GOLGA1: variants seen among roughly 807,000 people sequenced by gnomAD.
The protein encoded by GOLGA1 is golgin A1.
In GOLGA1, 63 loss-of-function variants were observed where a neutral mutation model predicts 119.7. That is an observed-to-expected ratio of 0.53 (90% CI 0.43 to 0.65). The LOEUF is 0.65. GOLGA1 is among the 30% of genes least tolerant of loss of function. The probability of loss-of-function intolerance (pLI) is 0.00; values close to 1 mark genes in which losing one functional copy is unlikely to be tolerated. For missense variants in GOLGA1, 798 were observed against 912.8 expected, an observed-to-expected ratio of 0.87 and a Z score of 1.62; for synonymous variants, 318 against 333.4, an observed-to-expected ratio of 0.95 and a Z score of 0.50.
At chr9:124,928,133 A>C in intron 6 of GOLGA1, 55 bp downstream of exon 6, 1 of 730,496 alleles carries the variant, frequency 1.4e-6, no homozygotes. Flanking sequence ...TTTTGAAATC[A>C]CGTCACTAAG....
At chr9:124,909,469 G>A (rs1164872175) in intron 11 of GOLGA1, among the ~76,000 whole-genome samples, 1 of 151,984 alleles carries the variant, frequency 6.6e-6, no homozygotes, top group Non-Finnish European at 1.5e-5. Flanking sequence ...TTAGCTGGAT[G>A]TGGTGGTGTG....
At chr9:124,882,368 A>C in intron 20 of GOLGA1, 142 bp downstream of exon 20, 1 of 655,828 alleles carries the variant, frequency 1.5e-6, no homozygotes, top group South Asian at 1.8e-5. Flanking sequence ...CCACCAGCTA[A>C]CGTTGGATTG....
At chr9:124,918,820 C>T (rs529317776) in intron 10 of GOLGA1, among the ~76,000 whole-genome samples, 1 of 152,226 alleles carries the variant, frequency 6.6e-6, no homozygotes, top group East Asian at 1.9e-4. Context: ...TTCCATGACC[C>T]CAAATGTACT....
rs12001772 is a variant in GOLGA1 at position 124,917,581 on chromosome 9, C to T, written c.843+3548G>A. On this transcript the variant is annotated intron_variant, in intron 10 of 22. Transcript: ENST00000373555. ...ACTTGTCAAAGCCTCCATCATCTTA[C>T]GGTCGAACAACTGCAAAAGCTTCCT... Among the ~76,000 whole-genome samples, 1,122 of 152,266 alleles carry T rather than the reference C, an allele frequency of 7.4e-3. 15 individuals are homozygous for T. Among genetic ancestry groups the T allele is most frequent in the Middle Eastern group, 0.034 (10 of 294 alleles).
intron 12 of GOLGA1, among the ~76,000 whole-genome samples, chr9:124,903,845 T>C (rs1830160806): frequency 6.6e-6 from 1 of 151,912 alleles, no homozygotes; most frequent in Non-Finnish European, 1.5e-5. Context: ...GGTCAGGAGA[T>C]TGAGACCATC....
Position 124,881,298 on chromosome 9 carries a change from G to A in GOLGA1, c.2137-41C>T, listed in dbSNP as rs1793191338. 2 of 1,132,928 alleles carry A rather than the reference G, an allele frequency of 1.8e-6. No homozygotes were observed. The highest frequency in any genetic ancestry group is 2.7e-6 in the Non-Finnish European group (2 of 739,798). 70.2% of individuals were successfully genotyped at this position (1,132,928 alleles called of 1,614,324 possible). A position where few individuals can be genotyped will look rare whatever the true frequency, so the allele number is the denominator to read the frequency against. ...TTTTGCTGCCATAGGCCTTGGTGAA[G>A]GTGAGGCGGGGTGGGGTCGGGGGAG... is the stretch of plus-strand genomic sequence containing the variant. On this transcript the variant is annotated intron_variant, in intron 21 of 22. Coordinates refer to ENST00000373555, the MANE Select transcript of GOLGA1 (RefSeq NM_002077.4). This position sits in a 1 kb window ranked among gnomAD's most constrained non-coding sequence, Gnocchi z 4.9.
chr9:124,926,427 G>A (rs1830674729), intron 7 of GOLGA1, among the ~76,000 whole-genome samples: 1 of 152,266 alleles, frequency 6.6e-6, no homozygotes, highest in Middle Eastern at 3.4e-3. Context: ...ATGCCAGAGG[G>A]CATTCTGAGC....
intron 10 of GOLGA1, among the ~76,000 whole-genome samples, chr9:124,918,618 GC>G: frequency 6.6e-6 from 1 of 152,016 alleles, no homozygotes. Flanking sequence ...ACAAAAATTA[GC>G]CCGGTTGGTG....
chr9:124,930,781 G>A (rs541141289), intron 4 of GOLGA1, among the ~76,000 whole-genome samples: 1 of 152,272 alleles, frequency 6.6e-6, no homozygotes, highest in East Asian at 1.9e-4. Context: ...GATATAATGG[G>A]AGCTGTGTAA....
intron 12 of GOLGA1, among the ~76,000 whole-genome samples, chr9:124,902,547 C>T (rs937452086): frequency 4.0e-5 from 6 of 151,618 alleles, no homozygotes; most frequent in African/African-American, 7.3e-5. Flanking sequence ...AGTGCAGTGG[C>T]GCGATCTCGG....
chr9:124,906,317 G>A (rs543061243), intron 12 of GOLGA1, among the ~76,000 whole-genome samples: 4 of 151,866 alleles, frequency 2.6e-5, no homozygotes, highest in South Asian at 4.2e-4. Context: ...TGTAATCCCA[G>A]CTACTTGGGA....
At chr9:124,924,728 A>C (rs1830640634) in intron 7 of GOLGA1, among the ~76,000 whole-genome samples, 1 of 151,870 alleles carries the variant, frequency 6.6e-6, no homozygotes, top group Non-Finnish European at 1.5e-5. Flanking sequence ...AAAAAAAAAA[A>C]AAAACTTTAA....
chr9:124,925,647 A>G (rs953665826), intron 7 of GOLGA1, among the ~76,000 whole-genome samples: 1 of 152,076 alleles, frequency 6.6e-6, no homozygotes, highest in African/African-American at 2.4e-5. Context: ...TGAGCCCAGG[A>G]GGTTGAGGCT....
At chr9:124,924,845 C>T (rs957729830) in intron 7 of GOLGA1, among the ~76,000 whole-genome samples, 1 of 150,910 alleles carries the variant, frequency 6.6e-6, no homozygotes, top group Non-Finnish European at 1.5e-5. Context: ...TTTGGGAGGC[C>T]GAGGCAGACA....
chr9:124,893,637 C>A (rs978517736), intron 15 of GOLGA1, among the ~76,000 whole-genome samples: 1 of 152,138 alleles, frequency 6.6e-6, no homozygotes, highest in Non-Finnish European at 1.5e-5. Flanking sequence ...TTACTCCTAG[C>A]GTGTAGTCCT....
chr9:124,911,901 C>T lies in GOLGA1; in HGVS notation c.969G>A (p.Glu323=), dbSNP rs1247797656. Residue 323 remains glutamate (E), a splice_region_variant and synonymous_variant, in exon 11 of 23, where the codon GAG becomes GAA. Coordinates refer to ENST00000373555, the MANE Select transcript of GOLGA1 (RefSeq NM_002077.4). ...GEEHLQELLK[E]KTLAEQNLED... is the part of the protein sequence containing the mutation. ...CCAGCCCAAAGAGAACAGAAGTTACCTCTTTCAGGAGTTCTTGCAAGTGTT... is the reference window on the plus strand; with the variant it reads ...CCAGCCCAAAGAGAACAGAAGTTACTTCTTTCAGGAGTTCTTGCAAGTGTT... 1.2e-6 allele frequency: 2 copies of T among 1,611,792 alleles called. No individual in the cohort carries two copies. Among genetic ancestry groups the T allele is most frequent in the Middle Eastern group, 1.6e-4 (1 of 6,078 alleles).
chr9:124,889,110 T>G, intron 18 of GOLGA1, 33 bp downstream of exon 18: 1 of 1,562,970 alleles, frequency 6.4e-7, no homozygotes, highest in Admixed American at 1.7e-5. Context: ...TGCATCTTGC[T>G]GTAGCACCCA....
chr9:124,885,439 C>T (rs1829698847), intron 19 of GOLGA1, among the ~76,000 whole-genome samples: 1 of 148,770 alleles, frequency 6.7e-6, no homozygotes, highest in South Asian at 2.1e-4. Context: ...GAGCCAAGAT[C>T]ACGCCATTGC....
intron 7 of GOLGA1, 50 bp from the exon 8 acceptor site, chr9:124,923,273 C>T: frequency 6.9e-7 from 1 of 1,448,384 alleles, no homozygotes; most frequent in Non-Finnish European, 9.5e-7. Flanking sequence ...CATTAGAAAT[C>T]TGTATTACGA....
Sources: allele counts gnomAD v4.1 joint callset (sites outside exome capture counted in the v4.1 genomes callset), GRCh38; gene constraint gnomAD v4.1.1; non-coding constraint Gnocchi (gnomAD v3.1); transcripts MANE v1.5; gene names NCBI Gene and HGNC (gene_info 2026-07-23, HGNC 2026-07-21).